Variants in SCHIP1 observed in about 807,000 individuals in gnomAD.
SCHIP1 encodes schwannomin interacting protein 1, also known as schwannomin-interacting protein 1.
Under a neutral mutation model 29.7 loss-of-function variants are expected in SCHIP1, and 8 were observed. The ratio of observed to expected loss-of-function variants is 0.27; its 90% CI spans 0.16 to 0.49. The LOEUF is 0.49. Among genes scored for constraint, SCHIP1 ranks in the 20% least tolerant of loss-of-function variants. SCHIP1 has a pLI of 0.99. For missense variants in SCHIP1, 193 were observed against 294.6 expected, an observed-to-expected ratio of 0.66 and a Z score of 2.52; for synonymous variants, 76 against 94.9, an observed-to-expected ratio of 0.80 and a Z score of 1.16.
the SCHIP1 span, among the ~76,000 whole-genome samples, chr3:159,367,042 G>A: frequency 0.011 from 1,704 of 152,178 alleles, 19 homozygotes; most frequent in South Asian, 0.033. Flanking sequence ...TTTCACTGAA[G>A]ACCTATGAAA....
chr3:159,441,497 G>A, the SCHIP1 span, among the ~76,000 whole-genome samples: 1 of 152,046 alleles, frequency 6.6e-6, no homozygotes, highest in Non-Finnish European at 1.5e-5. Flanking sequence ...CAGGAGTGGG[G>A]AAGGGGGAGG....
At chr3:159,835,492 T>C (rs1185017723), upstream of SCHIP1, among the ~76,000 whole-genome samples, 1 of 152,244 alleles carries the variant, frequency 6.6e-6, no homozygotes, top group African/African-American at 2.4e-5. Context: ...TCCATTGACC[T>C]ATCCATCTAC....
At chr3:159,839,818 C>T (rs771899152), upstream of SCHIP1, 115 of 1,163,078 alleles carry the variant, frequency 9.9e-5, no homozygotes, top group Non-Finnish European at 1.2e-4. Context: ...AGTTAACTGC[C>T]TTCATAAAGC....
chr3:159,344,048 A>G, the SCHIP1 span, among the ~76,000 whole-genome samples: 5 of 152,176 alleles, frequency 3.3e-5, no homozygotes, highest in African/African-American at 1.2e-4. Flanking sequence ...ATTAAATTGT[A>G]TTGGCTAGGC....
the SCHIP1 span, among the ~76,000 whole-genome samples, chr3:159,733,691 T>A: frequency 4.6e-5 from 7 of 152,210 alleles, no homozygotes; most frequent in Non-Finnish European, 1.0e-4. Flanking sequence ...CTTCTTATTA[T>A]TAACTAACAA....
the SCHIP1 span, among the ~76,000 whole-genome samples, chr3:159,470,388 C>A: frequency 6.6e-6 from 1 of 152,170 alleles, no homozygotes; most frequent in Non-Finnish European, 1.5e-5. Context: ...TCTGGCATAA[C>A]AAATGATTCA....
At chr3:159,697,391 T>C in the SCHIP1 span, among the ~76,000 whole-genome samples, 1 of 152,090 alleles carries the variant, frequency 6.6e-6, no homozygotes, top group Non-Finnish European at 1.5e-5. Context: ...GTGGACACAA[T>C]AGAGGCAGGT....
the SCHIP1 span, among the ~76,000 whole-genome samples, chr3:159,821,370 G>A: frequency 6.6e-6 from 1 of 152,296 alleles, no homozygotes; most frequent in East Asian, 1.9e-4. Flanking sequence ...CAGTGCCGAG[G>A]GCGCTCTTGA....
upstream of SCHIP1, among the ~76,000 whole-genome samples, chr3:159,835,728 C>T (rs1175906663): frequency 6.6e-6 from 1 of 152,148 alleles, no homozygotes. Flanking sequence ...ACTTAATCAA[C>T]TCACACAGCT....
chr3:159,367,191 G>A, the SCHIP1 span, among the ~76,000 whole-genome samples: 34 of 152,156 alleles, frequency 2.2e-4, no homozygotes, highest in African/African-American at 5.8e-4. Context: ...TCAAGAGTTC[G>A]AGACCAGCCT....
chr3:159,540,209 T>C, the SCHIP1 span, among the ~76,000 whole-genome samples: 1 of 151,878 alleles, frequency 6.6e-6, no homozygotes, highest in African/African-American at 2.4e-5. Flanking sequence ...TTTTGTACAA[T>C]ATGTAGGCCT....
chr3:159,633,986 C>G, the SCHIP1 span, among the ~76,000 whole-genome samples: 1 of 152,064 alleles, frequency 6.6e-6, no homozygotes, highest in African/African-American at 2.4e-5. Flanking sequence ...GAACACTAGT[C>G]AACTTAGTAG....
intron 1 of SCHIP1, among the ~76,000 whole-genome samples, chr3:159,863,994 T>G (rs7428455): frequency 6.6e-6 from 1 of 152,304 alleles, no homozygotes; most frequent in South Asian, 2.1e-4. Context: ...TGTTGAACAT[T>G]AATCATTAAA....
chr3:159,698,440 C>T, the SCHIP1 span, among the ~76,000 whole-genome samples: 1 of 152,050 alleles, frequency 6.6e-6, no homozygotes, highest in African/African-American at 2.4e-5. Context: ...ATCATTTGTG[C>T]AAGGCCAAAA....
At chr3:159,402,447 T>C in the SCHIP1 span, among the ~76,000 whole-genome samples, 6 of 152,132 alleles carry the variant, frequency 3.9e-5, no homozygotes, top group Non-Finnish European at 5.9e-5. Context: ...ACCCGAAGGA[T>C]TATAAATCAT....
intron 6 of SCHIP1, chr3:159,893,110 C>T (rs1464586650): frequency 6.6e-6 from 1 of 152,162 alleles, no homozygotes; most frequent in Non-Finnish European, 1.5e-5. Context: ...CTACCATAGA[C>T]CTCATCTCAA....
the SCHIP1 span, among the ~76,000 whole-genome samples, chr3:159,678,084 T>G: frequency 6.6e-6 from 1 of 152,226 alleles, no homozygotes; most frequent in Non-Finnish European, 1.5e-5. Context: ...GCTCTAGTAA[T>G]TAGGGCAGGA....
chr3:159,594,210 A>C, the SCHIP1 span, among the ~76,000 whole-genome samples: 2 of 152,358 alleles, frequency 1.3e-5, no homozygotes, highest in East Asian at 3.9e-4. Flanking sequence ...CAACTTGGTG[A>C]AAAAGGAAAG....
At chr3:159,343,477 ACTGGGTTCACAT>A in the SCHIP1 span, among the ~76,000 whole-genome samples, 2 of 152,174 alleles carry the variant, frequency 1.3e-5, no homozygotes, top group Non-Finnish European at 2.9e-5. Flanking sequence ...CAGGCTTAGA[ACTGGGTTCACAT>A]CTGCTCTATG....
Sources: gnomAD v4.1 joint callset for allele counts (sites outside exome capture counted in the v4.1 genomes callset) on GRCh38, gnomAD v4.1.1 for gene constraint, MANE v1.5 for transcripts, NCBI Gene and HGNC (gene_info 2026-07-23, HGNC 2026-07-21) for gene names.